ADCY2: variants seen among roughly 807,000 people sequenced by gnomAD.
ADCY2 encodes the protein adenylate cyclase 2.
Under a neutral mutation model 125.2 loss-of-function variants are expected in ADCY2, and 31 were observed. The observed-to-expected ratio is 0.25, with a 90% CI of 0.19 to 0.33. ADCY2 has a LOEUF of 0.33. Among genes scored for constraint, ADCY2 ranks in the 10% least tolerant of loss-of-function variants. The pLI, the probability that ADCY2 is intolerant of heterozygous loss-of-function variation, is 1.00. For missense variants in ADCY2, 904 were observed against 1,418.2 expected (o/e 0.64, Z 5.82); for synonymous variants, 512 against 548.4 (o/e 0.93, Z 0.93).
chr5:7,413,864 T>C (rs1579418644), intron 1 of ADCY2, among the ~76,000 whole-genome samples: 1 of 152,102 alleles, frequency 6.6e-6, no homozygotes, highest in East Asian at 1.9e-4. Flanking sequence ...TAAAAAAAAA[T>C]TGTGTGTCAA....
In ADCY2 at chr5:7,743,699, G is replaced by A. The variant is rs1742513649; in HGVS notation, c.1903G>A (p.Ala635Thr). The change falls in exon 15 of 25, where the codon GCG becomes ACG. Residue 635 changes from alanine to threonine, a missense_variant. Ala to Thr is a moderately conservative substitution (Grantham distance 58). This residue lies in a region of ADCY2 where 221 missense variants were observed against 246.2 expected (regional missense o/e 0.90). Coordinates refer to ENST00000338316, the MANE Select transcript of ADCY2 (RefSeq NM_020546.3). Reference sequence around the variant, plus strand: ...CGTCCTGGGCATCTCCTTTGGGGCTGCGTTTCTCTTGCTGGCCTTCATCCT... The same window carrying A: ...CGTCCTGGGCATCTCCTTTGGGGCTACGTTTCTCTTGCTGGCCTTCATCCT... ...TSVLGISFGA[A>T]FLLLAFILFV... 1 of 1,614,146 alleles carries A rather than the reference G, an allele frequency of 6.2e-7. No homozygotes were observed. The highest frequency in any genetic ancestry group is 8.5e-7 in the Non-Finnish European group (1 of 1,180,014).
intron 12 of ADCY2, among the ~76,000 whole-genome samples, chr5:7,720,116 A>G (rs914808460): frequency 2.0e-5 from 3 of 152,156 alleles, no homozygotes; most frequent in South Asian, 2.1e-4. Flanking sequence ...TGGGGTCAGG[A>G]AAAATGTCAG....
chr5:7,653,343 T>G (rs773110793), intron 4 of ADCY2, among the ~76,000 whole-genome samples: 26 of 152,136 alleles, frequency 1.7e-4, no homozygotes, highest in Non-Finnish European at 3.5e-4. Context: ...ATGTAAAAAG[T>G]CATGATGATA....
chr5:7,704,454 A>T (rs913221912), intron 7 of ADCY2, among the ~76,000 whole-genome samples: 2 of 152,224 alleles, frequency 1.3e-5, no homozygotes, highest in Non-Finnish European at 2.9e-5. Context: ...AGTAATATTC[A>T]GGACCTTGAT....
intron 2 of ADCY2, among the ~76,000 whole-genome samples, chr5:7,452,172 C>T (rs1324990542): frequency 6.6e-6 from 1 of 152,190 alleles, no homozygotes; most frequent in African/African-American, 2.4e-5. Context: ...CTCAGCCTCT[C>T]AAAGTGCTGG....
chr5:7,581,049 C>T (rs889022124), intron 3 of ADCY2, among the ~76,000 whole-genome samples: 4 of 152,074 alleles, frequency 2.6e-5, no homozygotes, highest in South Asian at 2.1e-4. Context: ...CACCAGCAGA[C>T]GTGAACTGTA....
intron 14 of ADCY2, among the ~76,000 whole-genome samples, chr5:7,741,711 T>TCATCCTCATCATC (rs1560931034): frequency 8.2e-4 from 5 of 6,122 alleles, no homozygotes; most frequent in Admixed American, 1.9e-3. Flanking sequence ...TAACCATCTC[T>TCATCCTCATCATC]ATCACCATCA....
chr5:7,784,778 A>G (rs1744033819), intron 19 of ADCY2, among the ~76,000 whole-genome samples: 1 of 152,146 alleles, frequency 6.6e-6, no homozygotes. Context: ...TATTTGAAAA[A>G]AAAAAAAAAA....
intron 7 of ADCY2, among the ~76,000 whole-genome samples, chr5:7,702,676 C>T (rs1486277171): frequency 6.6e-6 from 1 of 152,146 alleles, no homozygotes; most frequent in African/African-American, 2.4e-5. Flanking sequence ...TGAATAGTGC[C>T]ACAGTAAACA....
chr5:7,784,977 C>T (rs1029992038), intron 19 of ADCY2, among the ~76,000 whole-genome samples: 4 of 152,166 alleles, frequency 2.6e-5, no homozygotes, highest in African/African-American at 9.7e-5. Context: ...TCTGGTCTCC[C>T]ACAGAGGCTG....
In ADCY2 at chr5:7,827,775, G is replaced by A. The variant is rs1175407157; in HGVS notation, c.*904G>A. On this transcript the variant is annotated 3_prime_UTR_variant, in exon 25 of 25. Transcript: ENST00000338316. ...TATCTAGTGGTCTGATTTTAATTTG[G>A]GCATCTCTAGAGAACGCTTTCAGGG... 1 of 152,242 alleles carries A rather than the reference G, an allele frequency of 6.6e-6. No homozygotes were observed. The highest frequency in any genetic ancestry group is 2.4e-5 in the African/African-American group (1 of 41,394). The allele number at this position is 152,242 out of a possible 1,614,324, so 9.4% of individuals were successfully genotyped here.
chr5:7,763,384 C>G (rs559828138), intron 16 of ADCY2, among the ~76,000 whole-genome samples: 1 of 152,300 alleles, frequency 6.6e-6, no homozygotes, highest in South Asian at 2.1e-4. Flanking sequence ...AGCCACCGCG[C>G]CCGGCCTCTA....
At chr5:7,536,112 G>A (rs1734803946) in intron 3 of ADCY2, among the ~76,000 whole-genome samples, 1 of 152,224 alleles carries the variant, frequency 6.6e-6, no homozygotes, top group South Asian at 2.1e-4. Flanking sequence ...TCTGATGTAA[G>A]GCTTATTAAC....
intron 2 of ADCY2, among the ~76,000 whole-genome samples, chr5:7,455,024 C>A (rs1054909465): frequency 2.6e-5 from 4 of 152,068 alleles, no homozygotes; most frequent in Non-Finnish European, 5.9e-5. Context: ...AGTGTTTATA[C>A]GGCTATAGAG....
intron 3 of ADCY2, among the ~76,000 whole-genome samples, chr5:7,546,121 A>G (rs2126567299): frequency 6.6e-6 from 1 of 152,162 alleles, no homozygotes; most frequent in Non-Finnish European, 1.5e-5. Flanking sequence ...GGGGACACAA[A>G]ATGTTTTCGG....
At chr5:7,817,688 C>T (rs1438240036) in intron 23 of ADCY2, among the ~76,000 whole-genome samples, 2 of 151,938 alleles carry the variant, frequency 1.3e-5, no homozygotes, top group East Asian at 1.9e-4. Flanking sequence ...CTGAGCTTGG[C>T]GGCGCACGCC....
At position 7,727,174 on chromosome 5, in the gene ADCY2, C is replaced by T. The variant is rs765258346; in HGVS notation, c.1784C>T (p.Thr595Met). Reference protein sequence around the residue: ...NKVLEKEYRATALPAFKYYVT... With the variant: ...NKVLEKEYRAMALPAFKYYVT... ...CTTTCTCCCCCTCAGTACCGGGCCA[C>T]GGCACTGCCAGCGTTCAAGTATTAT... Residue 595 changes from threonine to methionine, a missense_variant, in exon 14 of 25, where the codon ACG becomes ATG. Thr to Met is a moderately conservative substitution (Grantham distance 81, BLOSUM62 -1). Around this residue, in one of 7 missense-constraint regions of ADCY2, gnomAD observed 144 missense variants for 227.7 expected, o/e 0.63. Coordinates refer to ENST00000338316, the MANE Select transcript of ADCY2 (RefSeq NM_020546.3). 23 of 1,613,690 alleles carry T rather than the reference C, an allele frequency of 1.4e-5. No individual in the cohort carries two copies. Among genetic ancestry groups the T allele is most frequent in the East Asian group, 6.7e-5 (3 of 44,882 alleles).
Position 7,626,148 on chromosome 5 carries a change from G to C in ADCY2, c.571-19G>C. ...TGAGAAACAGTTACCCTATTGAGCA[G>C]CTCTTTCTGTCTCTTTAGATCCTGG... On this transcript the variant is annotated intron_variant, in intron 3 of 24. Transcript: ENST00000338316. 6.2e-7 allele frequency: 1 copy of C among 1,607,118 alleles called. No homozygotes were observed. The highest frequency in any genetic ancestry group is 2.2e-5 in the East Asian group (1 of 44,816).
At chr5:7,497,613 G>A (rs534981585) in intron 2 of ADCY2, among the ~76,000 whole-genome samples, 2 of 152,004 alleles carry the variant, frequency 1.3e-5, no homozygotes, top group African/African-American at 4.8e-5. Flanking sequence ...TCCATAATGA[G>A]GAGAGAGAAA....
Sources: allele counts gnomAD v4.1 joint callset (sites outside exome capture counted in the v4.1 genomes callset), GRCh38; gene constraint gnomAD v4.1.1; regional missense constraint gnomAD v4.1.1; transcripts MANE v1.5; gene names NCBI Gene and HGNC (gene_info 2026-07-23, HGNC 2026-07-21).